Variants in CCDC69 observed in about 807,000 individuals in gnomAD.
CCDC69 encodes the protein coiled-coil domain-containing protein 69.
Under a neutral mutation model 40.3 loss-of-function variants are expected in CCDC69, and 38 were observed. The ratio of observed to expected loss-of-function variants is 0.94; its 90% CI spans 0.73 to 1.24. The LOEUF is 1.24. CCDC69 is among the 50% of genes most tolerant of loss of function. CCDC69 has a pLI of 0.00. For missense variants in CCDC69, 389 were observed against 357.9 expected (o/e 1.09, Z -0.70); for synonymous variants, 141 against 138.9 (o/e 1.02, Z -0.11).
intron 5 of CCDC69, among the ~76,000 whole-genome samples, chr5:151,187,044 T>C (rs1321824471): frequency 6.6e-6 from 1 of 152,222 alleles, no homozygotes; most frequent in African/African-American, 2.4e-5. Context: ...AGGAAATCTT[T>C]CCTGCACAGC....
intron 4 of CCDC69, among the ~76,000 whole-genome samples, chr5:151,197,265 T>C (rs115926331): frequency 0.03 from 4,537 of 152,276 alleles, 150 homozygotes; most frequent in African/African-American, 0.079. Context: ...CAATGGCTCA[T>C]GCCTGTAATC....
At chr5:151,189,254 A>G (rs1476393861) in intron 4 of CCDC69, among the ~76,000 whole-genome samples, 2 of 152,236 alleles carry the variant, frequency 1.3e-5, no homozygotes, top group Non-Finnish European at 2.9e-5. Context: ...TAGGAATAAT[A>G]GAAAAATAGA....
intron 4 of CCDC69, among the ~76,000 whole-genome samples, chr5:151,193,342 CAAAAAAAAA>C (rs35463341): frequency 1.7e-4 from 13 of 77,536 alleles, no homozygotes; most frequent in Middle Eastern, 6.8e-3. Flanking sequence ...CTCATTTCTA[CAAAAAAAAA>C]AAAAAAAAAA....
chr5:151,190,831 A>C (rs1650344614), intron 4 of CCDC69, among the ~76,000 whole-genome samples: 1 of 152,112 alleles, frequency 6.6e-6, no homozygotes, highest in Non-Finnish European at 1.5e-5. Context: ...CAGGAAAGGG[A>C]AAACAGAGGA....
At chr5:151,194,802 G>T (rs1752672878) in intron 4 of CCDC69, among the ~76,000 whole-genome samples, 2 of 146,198 alleles carry the variant, frequency 1.4e-5, no homozygotes. Flanking sequence ...CTCAGGCAAA[G>T]AATTGCTTGA....
intron 4 of CCDC69, among the ~76,000 whole-genome samples, chr5:151,196,886 A>G (rs570260160): frequency 6.6e-6 from 1 of 152,302 alleles, no homozygotes; most frequent in Non-Finnish European, 1.5e-5. Flanking sequence ...CCCAGGGGGA[A>G]CTGAAAACAG....
At chr5:151,194,383 G>C (rs778157231) in intron 4 of CCDC69, among the ~76,000 whole-genome samples, 1 of 152,174 alleles carries the variant, frequency 6.6e-6, no homozygotes, top group African/African-American at 2.4e-5. Flanking sequence ...GAATGTCAAA[G>C]GCATCGTGAT....
chr5:151,208,630 A>G (rs1752886444), intron 1 of CCDC69, among the ~76,000 whole-genome samples: 1 of 152,266 alleles, frequency 6.6e-6, no homozygotes, highest in African/African-American at 2.4e-5. Flanking sequence ...CGACTCAGAG[A>G]AGCTGTCAAC....
chr5:151,198,245 G>A (rs1459083087), intron 4 of CCDC69, among the ~76,000 whole-genome samples: 3 of 152,108 alleles, frequency 2.0e-5, no homozygotes, highest in Non-Finnish European at 4.4e-5. Flanking sequence ...GTAAGCAGTG[G>A]GGCTGAAGTT....
intron 4 of CCDC69, among the ~76,000 whole-genome samples, chr5:151,194,812 A>G (rs1269323257): frequency 6.6e-6 from 1 of 150,496 alleles, no homozygotes; most frequent in Non-Finnish European, 1.5e-5. Flanking sequence ...GAATTGCTTG[A>G]ACCCGGGAGG....
intron 8 of CCDC69, among the ~76,000 whole-genome samples, chr5:151,183,962 A>G (rs2113983276): frequency 6.6e-6 from 1 of 152,366 alleles, no homozygotes; most frequent in East Asian, 1.9e-4. Flanking sequence ...ATTAGATGAG[A>G]AAATATGTAC....
At chr5:151,191,828 T>C (rs922097218) in intron 4 of CCDC69, among the ~76,000 whole-genome samples, 17 of 152,086 alleles carry the variant, frequency 1.1e-4, no homozygotes, top group African/African-American at 3.9e-4. Flanking sequence ...CTCACACCTG[T>C]AATCCCAGCA....
intron 1 of CCDC69, among the ~76,000 whole-genome samples, chr5:151,217,553 CA>C (rs1318540761): frequency 1.3e-5 from 2 of 152,190 alleles, no homozygotes; most frequent in Non-Finnish European, 1.5e-5. Context: ...AGTGTAAATT[CA>C]AGGTATCAGC....
In CCDC69 at chr5:151,186,272, G is replaced by C. The variant is rs565299705; in HGVS notation, c.394-148C>G. 6.2e-6 allele frequency: 4 copies of C among 643,362 alleles called. No individual in the cohort carries two copies. In the Admixed American group the frequency reaches 9.3e-5, roughly 15 times the overall value. The allele number at this position is 643,362 out of a possible 1,614,324, so 39.9% of individuals were successfully genotyped here. ...TGACAATGCAACATCAACATACTTC[G>C]ACCACTGCTTGAGATCTACCAGCCC... On this transcript the variant is annotated intron_variant, in intron 5 of 8. Coordinates refer to ENST00000355417, the MANE Select transcript of CCDC69 (RefSeq NM_015621.3).
chr5:151,218,038 G>A (rs1343158244), intron 1 of CCDC69, among the ~76,000 whole-genome samples: 3 of 152,180 alleles, frequency 2.0e-5, no homozygotes, highest in Non-Finnish European at 4.4e-5. Context: ...AGGTCAGACT[G>A]CATATCACTT....
chr5:151,203,698 G>A (rs1333792624), intron 2 of CCDC69, among the ~76,000 whole-genome samples: 2 of 131,896 alleles, frequency 1.5e-5, no homozygotes, highest in Non-Finnish European at 3.1e-5. Context: ...AATATATATA[G>A]TATATATATT....
chr5:151,198,653 G>A (rs532653961), intron 4 of CCDC69, among the ~76,000 whole-genome samples: 2 of 152,290 alleles, frequency 1.3e-5, no homozygotes, highest in Non-Finnish European at 2.9e-5. Flanking sequence ...CAATAAATAA[G>A]AGCTACCATC....
intron 1 of CCDC69, among the ~76,000 whole-genome samples, chr5:151,219,428 A>T (rs1319599183): frequency 6.6e-6 from 1 of 152,022 alleles, no homozygotes; most frequent in Non-Finnish European, 1.5e-5. Context: ...AACACAAGGG[A>T]TGTTCATCAA....
chr5:151,210,335 G>A (rs1477488743), intron 1 of CCDC69, among the ~76,000 whole-genome samples: 1 of 152,154 alleles, frequency 6.6e-6, no homozygotes, highest in Non-Finnish European at 1.5e-5. Flanking sequence ...TTTGAGGTCA[G>A]GAGTTCGAGA....
Sources: gnomAD v4.1 joint callset for allele counts (sites outside exome capture counted in the v4.1 genomes callset) on GRCh38, gnomAD v4.1.1 for gene constraint, MANE v1.5 for transcripts, NCBI Gene and HGNC (gene_info 2026-07-23, HGNC 2026-07-21) for gene names.